Variants in RANBP2 observed in about 807,000 individuals in gnomAD.
RANBP2 encodes E3 SUMO-protein ligase RanBP2.
In RANBP2, 57 loss-of-function variants were observed where a neutral mutation model predicts 303.6. The ratio of observed to expected loss-of-function variants is 0.19; its 90% CI spans 0.15 to 0.23. The LOEUF (loss-of-function observed/expected upper bound fraction) is 0.23, where lower values mean the gene tolerates loss of function less well. Among genes scored for constraint, RANBP2 ranks in the 10% least tolerant of loss-of-function variants. RANBP2 has a pLI of 1.00. For missense variants in RANBP2, 3,138 were observed against 3,780.8 expected, an observed-to-expected ratio of 0.83 and a Z score of 4.46; for synonymous variants, 1,167 against 1,301.5, an observed-to-expected ratio of 0.90 and a Z score of 2.23.
the RANBP2 span, among the ~76,000 whole-genome samples, chr2:109,662,447 T>C: frequency 1.3e-5 from 2 of 152,016 alleles, no homozygotes; most frequent in African/African-American, 4.8e-5. Flanking sequence ...CCACCATGCC[T>C]GGCTAATTTT....
Position 108,766,324 on chromosome 2 carries a change from G to A in RANBP2, c.5785G>A (p.Gly1929Ser). The A allele has an allele frequency of 6.2e-7, 1 of 1,611,954 alleles. No individual in the cohort carries two copies. Among genetic ancestry groups the A allele is most frequent in the Non-Finnish European group, 8.5e-7 (1 of 1,179,874 alleles). The change falls in exon 20 of 29, where the codon GGC becomes AGC. Residue 1929 changes from glycine to serine, a missense_variant. Physicochemically the swap from Gly to Ser is moderately conservative, Grantham distance 56. Around this residue, in one of 20 missense-constraint regions of RANBP2, gnomAD observed 348 missense variants for 360.4 expected, o/e 0.97. Transcript: ENST00000283195. ...GTGFQAQDIS[G>S]QKNGRGVIFG... ...TGGCTTCCAGGCTCAGGATATTAGT[G>A]GCCAGAAGAATGGCCGTGGTGTGAT...
chr2:109,430,992 C>G, the RANBP2 span, among the ~76,000 whole-genome samples: 3 of 152,124 alleles, frequency 2.0e-5, no homozygotes, highest in Non-Finnish European at 4.4e-5. Flanking sequence ...TTAGGATGTT[C>G]GAAAAGGGGG....
chr2:109,458,395 TCTAA>T, the RANBP2 span, among the ~76,000 whole-genome samples: 1 of 152,190 alleles, frequency 6.6e-6, no homozygotes, highest in Non-Finnish European at 1.5e-5. Flanking sequence ...TCACCTGCCT[TCTAA>T]CTCTTATTTA....
At chr2:109,041,667 G>T in the RANBP2 span, among the ~76,000 whole-genome samples, 1 of 146,550 alleles carries the variant, frequency 6.8e-6, no homozygotes, top group Non-Finnish European at 1.5e-5. Flanking sequence ...GACTACAGGT[G>T]CCCGCCACCA....
At chr2:109,319,703 C>T in the RANBP2 span, among the ~76,000 whole-genome samples, 9 of 152,198 alleles carry the variant, frequency 5.9e-5, no homozygotes, top group African/African-American at 4.8e-5. Context: ...AGTGCCGTGC[C>T]GGAGCCAAAT....
chr2:109,195,803 T>G, the RANBP2 span, among the ~76,000 whole-genome samples: 1 of 152,210 alleles, frequency 6.6e-6, no homozygotes, highest in Non-Finnish European at 1.5e-5. Flanking sequence ...GAATCTCCCC[T>G]CTACTTTTAA....
chr2:108,807,403 G>A, the RANBP2 span, among the ~76,000 whole-genome samples: 1 of 152,088 alleles, frequency 6.6e-6, no homozygotes. Flanking sequence ...ACATAATTAT[G>A]CATAATTATG....
chr2:109,129,712 T>G, the RANBP2 span: 2 of 1,536,882 alleles, frequency 1.3e-6, no homozygotes, highest in South Asian at 2.4e-5. Context: ...GCTGGAGTGC[T>G]CCGTGTGTCT....
the RANBP2 span, among the ~76,000 whole-genome samples, chr2:109,186,274 A>G: frequency 2.0e-5 from 3 of 152,228 alleles, no homozygotes; most frequent in Non-Finnish European, 4.4e-5. Context: ...GCCCAGATGA[A>G]TTCATGTAAT....
At chr2:109,616,240 C>CT in the RANBP2 span, 2 of 1,055,152 alleles carry the variant, frequency 1.9e-6, no homozygotes, top group Non-Finnish European at 2.5e-6. Flanking sequence ...AAGTGGATGT[C>CT]TTTTTCAGAG....
chr2:109,541,640 C>T, the RANBP2 span, among the ~76,000 whole-genome samples: 1 of 152,248 alleles, frequency 6.6e-6, no homozygotes, highest in Non-Finnish European at 1.5e-5. Flanking sequence ...CCACTCCTTG[C>T]TGGTACTCTG....
chr2:109,251,530 T>C, the RANBP2 span: 2 of 752,794 alleles, frequency 2.7e-6, no homozygotes, highest in East Asian at 2.6e-5. Context: ...ATTTGGTCCC[T>C]TTATGAATCT....
chr2:109,278,166 G>T, the RANBP2 span, among the ~76,000 whole-genome samples: 1 of 145,742 alleles, frequency 6.9e-6, no homozygotes, highest in East Asian at 2.0e-4. Flanking sequence ...GATAGAGCAA[G>T]ACCCAATCTT....
In RANBP2 at chr2:108,767,431, G is replaced by C; in HGVS notation, c.6892G>C (p.Asp2298His). The C allele has an allele frequency of 6.2e-7, 1 of 1,611,930 alleles. No homozygotes were observed. Among genetic ancestry groups the C allele is most frequent in the Non-Finnish European group, 8.5e-7 (1 of 1,179,844 alleles). The change falls in exon 20 of 29, where the codon GAT (aspartate) becomes CAT (histidine). Residue 2298 changes from aspartate to histidine, a missense_variant. Coordinates refer to ENST00000283195, the MANE Select transcript of RANBP2 (RefSeq NM_006267.5). Reference protein sequence around the residue: ...GTSVGTDEESDVTQEEERDGQ... With the variant: ...GTSVGTDEESHVTQEEERDGQ... ...TTCAGTTGGCACTGATGAAGAATCTGATGTTACTCAAGAAGAAGAGAGAGA... is the reference window on the plus strand; with the variant it reads ...TTCAGTTGGCACTGATGAAGAATCTCATGTTACTCAAGAAGAAGAGAGAGA...
At chr2:109,490,439 G>A in the RANBP2 span, among the ~76,000 whole-genome samples, 3 of 152,122 alleles carry the variant, frequency 2.0e-5, no homozygotes, top group African/African-American at 7.2e-5. Flanking sequence ...AGAAAATGCT[G>A]GTACTCTGGC....
At chr2:109,171,990 T>C in the RANBP2 span, among the ~76,000 whole-genome samples, 1 of 152,218 alleles carries the variant, frequency 6.6e-6, no homozygotes, top group Non-Finnish European at 1.5e-5. Context: ...CTCAGCTGAG[T>C]CGCCCGTTTC....
At chr2:109,268,966 C>T in the RANBP2 span, among the ~76,000 whole-genome samples, 1 of 152,174 alleles carries the variant, frequency 6.6e-6, no homozygotes, top group Non-Finnish European at 1.5e-5. Flanking sequence ...TTCTGGGGGA[C>T]ACAAATGTCT....
chr2:108,750,744 T>C (rs1353584050), intron 9 of RANBP2, among the ~76,000 whole-genome samples: 1 of 152,030 alleles, frequency 6.6e-6, no homozygotes, highest in South Asian at 2.1e-4. Flanking sequence ...CGTGACACCA[T>C]GCTCGGCTAA....
chr2:109,202,890 G>A, the RANBP2 span, among the ~76,000 whole-genome samples: 1 of 152,258 alleles, frequency 6.6e-6, no homozygotes, highest in Non-Finnish European at 1.5e-5. Context: ...GATTAGCACA[G>A]TTTTGTCCCG....
Sources: gnomAD v4.1 joint callset for allele counts (sites outside exome capture counted in the v4.1 genomes callset) on GRCh38, gnomAD v4.1.1 for gene constraint, gnomAD v4.1.1 regional missense constraint, MANE v1.5 for transcripts, NCBI Gene and HGNC (gene_info 2026-07-23, HGNC 2026-07-21) for gene names.